Variants in PTPRN2 observed in about 807,000 individuals in gnomAD.
PTPRN2 encodes protein tyrosine phosphatase receptor type N2.
PTPRN2 carries 74 observed loss-of-function variants against 118.8 expected under a neutral mutation model. The observed-to-expected ratio is 0.62, with a 90% confidence interval of 0.52 to 0.76. The LOEUF is 0.76. PTPRN2 is among the 30% of genes least tolerant of loss of function. PTPRN2 has a pLI of 0.00. For missense variants in PTPRN2, 1,481 were observed against 1,394.4 expected, an observed-to-expected ratio of 1.06 and a Z score of -0.99; for synonymous variants, 641 against 608.0, an observed-to-expected ratio of 1.05 and a Z score of -0.80.
chr7:157,549,640 C>G (rs1470999432), intron 21 of PTPRN2, among the ~76,000 whole-genome samples: 1 of 152,200 alleles, frequency 6.6e-6, no homozygotes, highest in East Asian at 1.9e-4. Flanking sequence ...TCAAATCATG[C>G]TACTTAAGTT....
intron 3 of PTPRN2, among the ~76,000 whole-genome samples, chr7:158,264,548 C>T (rs938197377): frequency 5.3e-5 from 8 of 152,168 alleles, no homozygotes; most frequent in Non-Finnish European, 8.8e-5. Context: ...CTGCAGCAGC[C>T]GGTGGCAGCA....
rs149816573 is a variant in PTPRN2, at chr7:157,591,916, G to A, written c.2496+3322C>T. ...ACGTCTGCAGGGAGCAAAATGAAGCGAGTTTCTTTAGTTCACAATTTCTCA... is the reference window on the plus strand; with the variant it reads ...ACGTCTGCAGGGAGCAAAATGAAGCAAGTTTCTTTAGTTCACAATTTCTCA... On this transcript the variant is annotated intron_variant, in intron 17 of 22. Coordinates refer to ENST00000389418, the MANE Select transcript of PTPRN2 (RefSeq NM_002847.5). The surrounding 1 kb of genome is among the most constrained non-coding windows in gnomAD (Gnocchi z 4.4). Among the ~76,000 whole-genome samples, 2,893 of 152,226 alleles carry A rather than the reference G, an allele frequency of 0.019. 35 individuals are homozygous for A. The highest frequency in any genetic ancestry group is 0.068 in the Middle Eastern group (20 of 294).
At chr7:158,431,674 T>C (rs1816201102) in intron 2 of PTPRN2, among the ~76,000 whole-genome samples, 1 of 134,012 alleles carries the variant, frequency 7.5e-6, no homozygotes, top group Non-Finnish European at 1.6e-5. Flanking sequence ...TGGCTCACAC[T>C]GGGCACATAC....
In PTPRN2 at chr7:157,987,153, G is replaced by A. The variant is rs6961965; in HGVS notation, c.1724-88416C>T. On this transcript the variant is annotated intron_variant, in intron 11 of 22. Coordinates refer to ENST00000389418, the MANE Select transcript of PTPRN2 (RefSeq NM_002847.5). The surrounding 1 kb of genome is among the most constrained non-coding windows in gnomAD (Gnocchi z 4.3). ...TGCACTGCCCCAGCACGCCGCCCACGCTTGGTCGGCAACACAGAGATTCCA... is the reference window on the plus strand; with the variant it reads ...TGCACTGCCCCAGCACGCCGCCCACACTTGGTCGGCAACACAGAGATTCCA... 0.34 allele frequency among the ~76,000 whole-genome samples: 51,834 copies of A among 152,006 alleles called. 9,237 individuals carry two copies. The highest frequency in any genetic ancestry group is 0.4 in the Non-Finnish European group (27,084 of 67,948).
chr7:157,800,560 T>C (rs909965441), intron 12 of PTPRN2, among the ~76,000 whole-genome samples: 64 of 152,244 alleles, frequency 4.2e-4, no homozygotes, highest in Non-Finnish European at 4.4e-4. Flanking sequence ...TCTGTGGAAA[T>C]AGATGTTGTG....
At chr7:157,673,328 T>A (rs1187899535) in intron 13 of PTPRN2, among the ~76,000 whole-genome samples, 1 of 152,150 alleles carries the variant, frequency 6.6e-6, no homozygotes, top group African/African-American at 2.4e-5. Flanking sequence ...GTCCCAAGAT[T>A]TCATTCTTAA....
At chr7:157,826,000 T>C (rs10276031) in intron 12 of PTPRN2, among the ~76,000 whole-genome samples, 19,292 of 152,160 alleles carry the variant, frequency 0.13, 2,231 homozygotes, top group African/African-American at 0.29. Flanking sequence ...TTTCACTTTG[T>C]TCCCCCGTGC....
intron 3 of PTPRN2, among the ~76,000 whole-genome samples, chr7:158,259,606 T>C (rs1015208941): frequency 1.3e-5 from 2 of 152,172 alleles, no homozygotes; most frequent in African/African-American, 4.8e-5. Context: ...TTCCCGGGGA[T>C]CCCACCTGCT....
rs1802868363 is a variant in PTPRN2 at position 157,617,521 on chromosome 7, G to C, written c.2344+3841C>G. On this transcript the variant is annotated intron_variant, in intron 15 of 22. Transcript: ENST00000389418. This position sits in a 1 kb window ranked among gnomAD's most constrained non-coding sequence, Gnocchi z 7.5. ...TTAGGACGCTGTTCACGCAGCTGCA[G>C]CGCAGAGCACGGGGGATGCTGGCTC... The C allele has an allele frequency of 6.6e-6, 1 of 151,544 alleles. No homozygotes were observed. The highest frequency in any genetic ancestry group is 1.5e-5 in the Non-Finnish European group (1 of 67,938). 9.4% of individuals were successfully genotyped at this position (151,544 alleles called of 1,614,324 possible).
chr7:157,913,049 C>T (rs954421674), intron 11 of PTPRN2, among the ~76,000 whole-genome samples: 1 of 152,124 alleles, frequency 6.6e-6, no homozygotes, highest in Non-Finnish European at 1.5e-5. Context: ...CATCATTATT[C>T]CCAATCTGTG....
chr7:157,594,413 C>T (rs2150562101), intron 17 of PTPRN2, among the ~76,000 whole-genome samples: 1 of 136,454 alleles, frequency 7.3e-6, no homozygotes, highest in South Asian at 2.3e-4. Context: ...ACCAGGAGGC[C>T]CGGGCTGTGG....
intron 11 of PTPRN2, among the ~76,000 whole-genome samples, chr7:157,960,342 A>C (rs67952971): frequency 0.12 from 18,463 of 152,244 alleles, 1,669 homozygotes; most frequent in East Asian, 0.36. Flanking sequence ...TACTTTATGT[A>C]TATTTTACCA....
At chr7:158,141,976 G>A (rs146298909) in intron 6 of PTPRN2, among the ~76,000 whole-genome samples, 127 of 152,338 alleles carry the variant, frequency 8.3e-4, no homozygotes, top group African/African-American at 2.8e-3. Flanking sequence ...TGGGGTGGCC[G>A]AGTGCCCCGC....
chr7:158,440,150 C>A (rs918587612), intron 2 of PTPRN2, among the ~76,000 whole-genome samples: 2 of 152,224 alleles, frequency 1.3e-5, no homozygotes, highest in African/African-American at 4.8e-5. Flanking sequence ...TGTGTGGCCA[C>A]AGCCCATAAA....
At chr7:158,447,192 C>T (rs1426066925) in intron 2 of PTPRN2, among the ~76,000 whole-genome samples, 6 of 152,192 alleles carry the variant, frequency 3.9e-5, no homozygotes, top group Non-Finnish European at 8.8e-5. Flanking sequence ...CTCTCTGGGC[C>T]TGGGCAGCCT....
Position 158,071,732 on chromosome 7 carries a change from G to A in PTPRN2, c.1723+9566C>T, listed in dbSNP as rs573159865. 3.9e-4 allele frequency among the ~76,000 whole-genome samples: 47 copies of A among 121,388 alleles called. 2 individuals are homozygous for A. Among genetic ancestry groups the A allele is most frequent in the African/African-American group, 1.8e-3 (41 of 23,380 alleles). The allele number at this position is 121,388 out of a possible 152,430, so 79.6% of individuals were successfully genotyped here. A position where few individuals can be genotyped will look rare whatever the true frequency, so the allele number is the denominator to read the frequency against. On this transcript the variant is annotated intron_variant, in intron 11 of 22. Transcript: ENST00000389418. ...TGCTCCTGGTGGTGGAGGTGCTCGT[G>A]GTGGTGGAGGTGCTCATGGTGGAGG...
intron 9 of PTPRN2, among the ~76,000 whole-genome samples, chr7:158,124,129 G>A (rs917304940): frequency 6.6e-6 from 1 of 152,220 alleles, no homozygotes. Flanking sequence ...CAGAAAGTTG[G>A]GTGTACACAG....
At position 158,561,860 on chromosome 7, in the gene PTPRN2, C is replaced by G. The variant is rs368261563; in HGVS notation, c.112+25698G>C. 5.3e-5 allele frequency among the ~76,000 whole-genome samples: 8 copies of G among 152,240 alleles called. No individual in the cohort carries two copies. In the East Asian group the frequency reaches 9.7e-4, roughly 18 times the overall value. On this transcript the variant is annotated intron_variant, in intron 1 of 22. Transcript: ENST00000389418. ...GCAGCAGCTCTCCCTACCTCCCATC[C>G]CCACTGCCCGTGGCCCTGGAACACC...
chr7:158,110,181 C>G (rs757162215), intron 10 of PTPRN2, among the ~76,000 whole-genome samples: 7 of 152,218 alleles, frequency 4.6e-5, no homozygotes, highest in Non-Finnish European at 1.0e-4. Context: ...CTCTCCACAC[C>G]CAGCTGTGCG....
Sources: allele counts gnomAD v4.1 joint callset (sites outside exome capture counted in the v4.1 genomes callset), GRCh38; gene constraint gnomAD v4.1.1; non-coding constraint Gnocchi (gnomAD v3.1); transcripts MANE v1.5; gene names NCBI Gene and HGNC (gene_info 2026-07-23, HGNC 2026-07-21).